Variants in MSH4 observed in about 807,000 individuals in gnomAD.
The protein encoded by MSH4 is mutS homolog 4.
MSH4 carries 106 observed loss-of-function variants against 113.7 expected under a neutral mutation model. The observed-to-expected ratio is 0.93, with a 90% CI of 0.80 to 1.10. The LOEUF is 1.10. Ranked by LOEUF, MSH4 falls within the 50% of genes least tolerant of loss-of-function variation. The pLI is 0.00. For synonymous variants in MSH4, 368 were observed against 380.2 expected (o/e 0.97, Z 0.37); for missense variants, 1,061 against 1,093.7 (o/e 0.97, Z 0.42).
rs530991110 is a variant in MSH4, at chr1:75,834,137, C to T, written c.1162+11556C>T. 6.7e-4 allele frequency among the ~76,000 whole-genome samples: 102 copies of T among 152,298 alleles called. 1 individual carries two copies. In the South Asian group the frequency reaches 7.9e-3, roughly 12 times the overall value. ...GGGCAAAGGATATGAACAGACACTT[C>T]GCAAAAGAAGACATTTATGCATCCA... On this transcript the variant is annotated intron_variant, in intron 7 of 19. Transcript: ENST00000263187.
chr1:75,819,517 G>A (rs985272765), intron 6 of MSH4, among the ~76,000 whole-genome samples: 2 of 152,128 alleles, frequency 1.3e-5, no homozygotes, highest in Non-Finnish European at 2.9e-5. Context: ...AAAGTTATTG[G>A]CAATCGCCAT....
chr1:75,834,680 A>G (rs899175388), intron 7 of MSH4, among the ~76,000 whole-genome samples: 8 of 152,320 alleles, frequency 5.3e-5, no homozygotes, highest in Non-Finnish European at 1.2e-4. Flanking sequence ...TATCACAAGG[A>G]CAGAAAACCA....
chr1:75,890,337 G>A (rs1365322431), intron 16 of MSH4, among the ~76,000 whole-genome samples: 4 of 151,966 alleles, frequency 2.6e-5, no homozygotes, highest in African/African-American at 9.7e-5. Flanking sequence ...ATACTTTATA[G>A]CAGTAATTGA....
At chr1:75,897,860 A>C (rs1271229722) in intron 17 of MSH4, 47 bp from the exon 18 acceptor site, 10 of 1,181,188 alleles carry the variant, frequency 8.5e-6, no homozygotes, top group Non-Finnish European at 1.0e-5. Context: ...AGAATTTTCT[A>C]GTTAATTTTT....
At chr1:75,903,714 T>C (rs558338446) in intron 19 of MSH4, among the ~76,000 whole-genome samples, 1 of 152,272 alleles carries the variant, frequency 6.6e-6, no homozygotes, top group East Asian at 1.9e-4. Context: ...TCTTGTATTT[T>C]TTTCAGTTTG....
chr1:75,890,241 C>T (rs1021874460), intron 16 of MSH4, among the ~76,000 whole-genome samples: 2 of 151,906 alleles, frequency 1.3e-5, no homozygotes, highest in African/African-American at 2.4e-5. Context: ...AGAATCAAGA[C>T]TTAGGTATTT....
At chr1:75,826,832 T>C (rs1026533479) in intron 7 of MSH4, among the ~76,000 whole-genome samples, 2 of 151,444 alleles carry the variant, frequency 1.3e-5, no homozygotes, top group African/African-American at 2.4e-5. Flanking sequence ...GAGACTGTTA[T>C]GAATTCCATT....
Position 75,797,152 on chromosome 1 carries a change from C to T in MSH4, c.167C>T (p.Thr56Met), listed in dbSNP as rs372420838. ...QVVSASTCPG[T>M]SGAAGDRSSS... is the part of the protein sequence containing the mutation. ...GTCTCTGCATCCACCTGTCCTGGCA[C>T]GTCAGGAGCTGCGGGCGACCGGAGC... The change falls in exon 1 of 20, where the codon ACG (threonine) becomes ATG (methionine). Residue 56 changes from threonine to methionine, a missense_variant. Transcript: ENST00000263187. 158 of 1,613,142 alleles carry T rather than the reference C, an allele frequency of 9.8e-5. No homozygotes were observed. Among genetic ancestry groups the T allele is most frequent in the Non-Finnish European group, 1.3e-4 (148 of 1,179,620 alleles).
At chr1:75,883,171 ATT>A (rs11368450) in intron 14 of MSH4, among the ~76,000 whole-genome samples, 3 of 135,548 alleles carry the variant, frequency 2.2e-5, no homozygotes, top group Admixed American at 7.6e-5. Flanking sequence ...CACCTGGCTA[ATT>A]TTTTTTTTTT....
intron 15 of MSH4, among the ~76,000 whole-genome samples, chr1:75,886,976 G>T (rs948973338): frequency 2.6e-5 from 4 of 151,380 alleles, no homozygotes; most frequent in Non-Finnish European, 2.9e-5. Context: ...CTAACACATA[G>T]AAGGGCTTCA....
chr1:75,848,964 C>T (rs758729268), intron 8 of MSH4, among the ~76,000 whole-genome samples: 1 of 152,116 alleles, frequency 6.6e-6, no homozygotes, highest in Non-Finnish European at 1.5e-5. Flanking sequence ...TGGAGTCTCA[C>T]TCTGTCACCA....
rs1405304423 is a variant in MSH4, at chr1:75,897,907, G to A, written c.2356G>A (p.Ala786Thr). ...AVCEYLLSLK[A>T]FTLFATHFLE... Reference sequence around the variant, plus strand: ...ATTCATTGTCTGTTATATATTCCAGGCATTTACACTGTTTGCTACACATTT... The same window carrying A: ...ATTCATTGTCTGTTATATATTCCAGACATTTACACTGTTTGCTACACATTT... The change falls in exon 18 of 20, where the codon GCA becomes ACA. Residue 786 changes from alanine to threonine, a missense_variant and splice_region_variant. Transcript: ENST00000263187. The A allele has an allele frequency of 2.7e-6, 4 of 1,500,554 alleles. No homozygotes were observed. The highest frequency in any genetic ancestry group is 1.5e-5 in the South Asian group (1 of 68,244). 93.0% of individuals were successfully genotyped at this position (1,500,554 alleles called of 1,614,324 possible). A position where few individuals can be genotyped will look rare whatever the true frequency, so the allele number is the denominator to read the frequency against.
intron 9 of MSH4, among the ~76,000 whole-genome samples, chr1:75,873,756 A>G (rs1304148080): frequency 1.3e-5 from 2 of 152,018 alleles, no homozygotes; most frequent in African/African-American, 2.4e-5. Flanking sequence ...TTTTATATAT[A>G]TATATATAAC....
chr1:75,888,877 AC>A (rs1475622517), intron 15 of MSH4, among the ~76,000 whole-genome samples: 1 of 150,950 alleles, frequency 6.6e-6, no homozygotes, highest in South Asian at 2.1e-4. Flanking sequence ...ATAACTTTGT[AC>A]AGTAGGTAGG....
chr1:75,886,714 A>G (rs1339970785), intron 15 of MSH4, among the ~76,000 whole-genome samples: 2 of 136,062 alleles, frequency 1.5e-5, no homozygotes, highest in Admixed American at 1.6e-4. Context: ...TATATTATAT[A>G]TAAATGTATA....
rs1224727027 is a variant in MSH4 at position 75,881,264 on chromosome 1, T to C, written c.1800T>C (p.Leu600=). The C allele has an allele frequency of 2.5e-6, 4 of 1,606,190 alleles. No homozygotes were observed. Among genetic ancestry groups the C allele is most frequent in the Non-Finnish European group, 3.4e-6 (4 of 1,174,362 alleles). ...HMTYMIVCKL[L]SEIYEHIHCL... Reference sequence around the variant, plus strand: ...TTTTCAGGATAGTGTGCAAACTGCTTAGTGAGATTTATGAACATATTCATT... The same window carrying C: ...TTTTCAGGATAGTGTGCAAACTGCTCAGTGAGATTTATGAACATATTCATT... The change falls in exon 14 of 20, where the codon CTT becomes CTC. Residue 600 remains leucine, a synonymous_variant. Transcript: ENST00000263187.
intron 18 of MSH4, among the ~76,000 whole-genome samples, 165 bp from the exon 19 acceptor site, chr1:75,899,453 A>T (rs1188370829): frequency 6.6e-6 from 1 of 152,204 alleles, no homozygotes; most frequent in African/African-American, 2.4e-5. Flanking sequence ...GCAAGTTGTC[A>T]TCCAGAATTT....
intron 19 of MSH4, 41 bp downstream of exon 19, chr1:75,899,747 A>T: frequency 8.5e-7 from 1 of 1,179,320 alleles, no homozygotes; most frequent in Non-Finnish European, 1.2e-6. Flanking sequence ...AATTAAAAAA[A>T]ATACTTTTAG....
At chr1:75,891,687 C>T (rs1277750174) in intron 17 of MSH4, among the ~76,000 whole-genome samples, 1 of 152,138 alleles carries the variant, frequency 6.6e-6, no homozygotes, top group Non-Finnish European at 1.5e-5. Flanking sequence ...CTCCTGGGCT[C>T]AAGTGATCCA....
Sources: gnomAD v4.1 joint callset for allele counts (sites outside exome capture counted in the v4.1 genomes callset) on GRCh38, gnomAD v4.1.1 for gene constraint, MANE v1.5 for transcripts, NCBI Gene and HGNC (gene_info 2026-07-23, HGNC 2026-07-21) for gene names.